The following SYT1 variants were observed in gnomAD, a reference collection of about 807,000 sequenced individuals.
The protein encoded by SYT1 is synaptotagmin 1.
In SYT1, 8 loss-of-function variants were observed where a neutral mutation model predicts 44.8. That is an observed-to-expected ratio of 0.18 (90% CI 0.10 to 0.32). SYT1 has a LOEUF of 0.32. Ranked by LOEUF, SYT1 falls within the 10% of genes least tolerant of loss-of-function variation. The pLI is 1.00. For missense variants in SYT1, 286 were observed against 509.3 expected (o/e 0.56, Z 4.22); for synonymous variants, 154 against 188.8 (o/e 0.82, Z 1.51).
chr12:79,199,647 AC>A (rs774627192), intron 3 of SYT1, among the ~76,000 whole-genome samples: 25 of 152,168 alleles, frequency 1.6e-4, no homozygotes, highest in Non-Finnish European at 2.9e-4. Context: ...ATGAAAAATC[AC>A]GAGCAAATTC....
intron 3 of SYT1, among the ~76,000 whole-genome samples, chr12:79,122,712 A>G (rs1868297393): frequency 6.6e-6 from 1 of 152,072 alleles, no homozygotes; most frequent in South Asian, 2.1e-4. Flanking sequence ...TGAGTCTGGT[A>G]AGTTTGAGTG....
intron 3 of SYT1, among the ~76,000 whole-genome samples, chr12:79,074,873 A>C (rs2137919233): frequency 6.6e-6 from 1 of 152,234 alleles, no homozygotes; most frequent in South Asian, 2.1e-4. Flanking sequence ...GGATAAGGTA[A>C]GTTCTGCCCT....
rs565120828 is a variant in SYT1, at chr12:79,130,440, T to C, written c.-18+83078T>C. 2.0e-5 allele frequency among the ~76,000 whole-genome samples: 3 copies of C among 152,308 alleles called. No homozygotes were observed. The South Asian group carries it at 6.2e-4, about 32-fold the overall frequency. ...TCACCATCGTATTGTTCATAAGCAG[T>C]TCTCCATGGATGTCTGTTTCCAAAC... On this transcript the variant is annotated intron_variant, in intron 3 of 10. Transcript: ENST00000261205.
chr12:79,225,667 T>C (rs959335014), intron 4 of SYT1, among the ~76,000 whole-genome samples: 4 of 152,160 alleles, frequency 2.6e-5, no homozygotes, highest in African/African-American at 9.7e-5. Flanking sequence ...ATAAATCAAA[T>C]TCATATCTTG....
chr12:79,399,066 A>G (rs7969742), intron 9 of SYT1, among the ~76,000 whole-genome samples: 3 of 152,202 alleles, frequency 2.0e-5, no homozygotes, highest in African/African-American at 7.2e-5. Context: ...ACATTAATAC[A>G]TAGTCCAGTA....
chr12:79,451,638 A>T lies in SYT1; in HGVS notation c.*2514A>T, dbSNP rs1871064004. On this transcript the variant is annotated 3_prime_UTR_variant, in exon 11 of 11. Transcript: ENST00000261205. ...CACTCTTTCACAAGTCAGTGATGGA[A>T]CCTGCTTTATGACCAAGATTCATCC... 1 of 152,208 alleles carries T rather than the reference A, an allele frequency of 6.6e-6. No individual in the cohort carries two copies. 9.4% of individuals were successfully genotyped at this position (152,208 alleles called of 1,614,324 possible).
chr12:79,324,679 GT>G (rs1881528807), intron 8 of SYT1, among the ~76,000 whole-genome samples: 1 of 152,094 alleles, frequency 6.6e-6, no homozygotes, highest in African/African-American at 2.4e-5. Context: ...CATCTGTGGG[GT>G]TTGAGATGTG....
intron 9 of SYT1, among the ~76,000 whole-genome samples, chr12:79,385,111 C>G (rs972331896): frequency 6.6e-6 from 1 of 151,382 alleles, no homozygotes; most frequent in Admixed American, 6.6e-5. Context: ...CTCAGCCTCT[C>G]TAGTAGTTGG....
chr12:79,008,174 A>C (rs1012760732), intron 2 of SYT1, among the ~76,000 whole-genome samples: 1 of 152,008 alleles, frequency 6.6e-6, no homozygotes, highest in African/African-American at 2.4e-5. Context: ...GTCACCTCTT[A>C]GTTGAAACCT....
chr12:78,971,949 C>A (rs781349382), intron 1 of SYT1, among the ~76,000 whole-genome samples: 1 of 151,996 alleles, frequency 6.6e-6, no homozygotes, highest in Non-Finnish European at 1.5e-5. Context: ...TATAATTTTA[C>A]AAAATATTTC....
At chr12:79,184,520 T>C (rs1446986342) in intron 3 of SYT1, among the ~76,000 whole-genome samples, 1 of 151,252 alleles carries the variant, frequency 6.6e-6, no homozygotes, top group Non-Finnish European at 1.5e-5. Context: ...AGCCACCCAC[T>C]GTGCAGAGAG....
At chr12:79,061,351 A>G (rs73353526) in intron 3 of SYT1, among the ~76,000 whole-genome samples, 2,127 of 152,266 alleles carry the variant, frequency 0.014, 52 homozygotes, top group African/African-American at 0.047. Flanking sequence ...AATACACAGC[A>G]TTATCCTCTA....
chr12:79,098,930 T>C (rs1295600365), intron 3 of SYT1, among the ~76,000 whole-genome samples: 2 of 152,148 alleles, frequency 1.3e-5, no homozygotes, highest in East Asian at 3.9e-4. Context: ...TGTATGAGTA[T>C]CGACTTTTTA....
chr12:79,084,487 G>A (rs1877248326), intron 3 of SYT1, among the ~76,000 whole-genome samples: 1 of 152,204 alleles, frequency 6.6e-6, no homozygotes, highest in Non-Finnish European at 1.5e-5. Flanking sequence ...AAGAGGCTCA[G>A]TGCTTTGCCT....
At chr12:78,935,011 A>C (rs978724509) in intron 1 of SYT1, among the ~76,000 whole-genome samples, 1 of 152,352 alleles carries the variant, frequency 6.6e-6, no homozygotes, top group Non-Finnish European at 1.5e-5. Context: ...CCGAGTCTAT[A>C]ATTGGCTGAA....
intron 3 of SYT1, among the ~76,000 whole-genome samples, chr12:79,091,673 G>A (rs1052528672): frequency 7.9e-5 from 12 of 151,908 alleles, no homozygotes; most frequent in African/African-American, 2.9e-4. Context: ...GAGAGTTGCA[G>A]TCAGACATTA....
chr12:79,217,791 A>C (rs888441532), intron 4 of SYT1, 106 bp downstream of exon 4: 2 of 860,022 alleles, frequency 2.3e-6, no homozygotes, highest in Admixed American at 7.2e-5. Flanking sequence ...ATTTACATTT[A>C]ATTTATTACT....
chr12:79,390,746 C>A (rs1884625555), intron 9 of SYT1, among the ~76,000 whole-genome samples: 1 of 152,188 alleles, frequency 6.6e-6, no homozygotes, highest in African/African-American at 2.4e-5. Context: ...CTATAGTAAC[C>A]TTTCAACACT....
intron 9 of SYT1, among the ~76,000 whole-genome samples, chr12:79,385,656 C>G (rs571140867): frequency 6.6e-6 from 1 of 152,190 alleles, no homozygotes; most frequent in African/African-American, 2.4e-5. Context: ...GGATTTAGAA[C>G]AAATCAGTGT....
Sources: allele counts gnomAD v4.1 joint callset (sites outside exome capture counted in the v4.1 genomes callset), GRCh38; gene constraint gnomAD v4.1.1; transcripts MANE v1.5; gene names NCBI Gene and HGNC (gene_info 2026-07-23, HGNC 2026-07-21).